The following ERC2 variants were observed in gnomAD, a reference collection of about 807,000 sequenced individuals.
ERC2 encodes ELKS/RAB6-interacting/CAST family member 2, also known as ERC protein 2.
ERC2 carries 42 observed loss-of-function variants against 114.8 expected under a neutral mutation model. That is an observed-to-expected ratio of 0.37 (90% CI 0.29 to 0.47). The LOEUF is 0.47. ERC2 is among the 20% of genes least tolerant of loss of function. ERC2 has a pLI of 0.99. For missense variants in ERC2, 939 were observed against 1,150.7 expected, an observed-to-expected ratio of 0.82 and a Z score of 2.66; for synonymous variants, 454 against 425.5, an observed-to-expected ratio of 1.07 and a Z score of -0.82.
chr3:55,572,833 G>C (rs1327236027), intron 17 of ERC2, among the ~76,000 whole-genome samples: 1 of 152,200 alleles, frequency 6.6e-6, no homozygotes, highest in African/African-American at 2.4e-5. Context: ...CAGTGAGGCA[G>C]TTGCCCCCAG....
chr3:56,448,176 C>T (rs1476059601), intron 1 of ERC2, among the ~76,000 whole-genome samples: 1 of 152,124 alleles, frequency 6.6e-6, no homozygotes, highest in African/African-American at 2.4e-5. Context: ...CACTTCCATA[C>T]CTTAGAATTT....
At chr3:56,158,077 T>G (rs1231965427) in intron 4 of ERC2, among the ~76,000 whole-genome samples, 1 of 117,296 alleles carries the variant, frequency 8.5e-6, no homozygotes, top group African/African-American at 2.9e-5. Flanking sequence ...GATTTAAACT[T>G]TGCAAGAATG....
chr3:56,425,027 G>C lies in ERC2; in HGVS notation c.657+9324C>G, dbSNP rs536570082. On this transcript the variant is annotated intron_variant, in intron 2 of 17. Transcript: ENST00000288221. ...CTGATAAGCCCTTAAAACATTTGGA[G>C]AGCAGAGGTGAGTAAGGACAGCTCA... 2.0e-5 allele frequency among the ~76,000 whole-genome samples: 3 copies of C among 152,244 alleles called. No individual in the cohort carries two copies. The East Asian group carries it at 5.8e-4, about 29-fold the overall frequency.
Position 55,550,148 on chromosome 3 carries a change from T to C in ERC2, c.*40-38872A>G, listed in dbSNP as rs147197366. 2.0e-5 allele frequency among the ~76,000 whole-genome samples: 3 copies of C among 152,188 alleles called. No individual in the cohort carries two copies. In the East Asian group the frequency reaches 5.8e-4, roughly 29 times the overall value. On this transcript the variant is annotated intron_variant, in intron 17 of 17. Transcript: ENST00000288221. The stretch of plus-strand genomic sequence containing the variant: ...CCCTCTCTGCTGAACCTTCTTGCAG[T>C]AATACTTGCCTCATTCCCTCCCTCT...
intron 17 of ERC2, among the ~76,000 whole-genome samples, chr3:55,655,946 T>C (rs1313340212): frequency 2.0e-5 from 3 of 152,202 alleles, no homozygotes; most frequent in African/African-American, 4.8e-5. Flanking sequence ...CTTCATGTTT[T>C]ATCTGAGGAA....
chr3:55,519,488 A>G (rs916228566), intron 17 of ERC2, among the ~76,000 whole-genome samples: 3 of 152,228 alleles, frequency 2.0e-5, no homozygotes, highest in African/African-American at 7.2e-5. Context: ...GTATTCAGAA[A>G]TGATTTACTA....
chr3:56,051,212 C>T (rs1007057430), intron 7 of ERC2, among the ~76,000 whole-genome samples: 30 of 152,074 alleles, frequency 2.0e-4, no homozygotes, highest in Admixed American at 1.3e-4. Flanking sequence ...AATAAGAGAC[C>T]CAAGAATAAT....
intron 3 of ERC2, among the ~76,000 whole-genome samples, chr3:56,264,362 C>T (rs546910354): frequency 1.6e-3 from 246 of 152,142 alleles, no homozygotes; most frequent in Non-Finnish European, 1.5e-3. Flanking sequence ...TTTAGGAGGC[C>T]GAGGCAGGCA....
intron 15 of ERC2, among the ~76,000 whole-genome samples, chr3:55,728,609 T>C (rs567739893): frequency 1.3e-5 from 2 of 152,200 alleles, no homozygotes; most frequent in Middle Eastern, 3.4e-3. Flanking sequence ...GGGTGATGAG[T>C]GTAACCTGAG....
chr3:55,516,989 T>C (rs2052557128), intron 17 of ERC2, among the ~76,000 whole-genome samples: 1 of 152,190 alleles, frequency 6.6e-6, no homozygotes, highest in Non-Finnish European at 1.5e-5. Context: ...GGGCCTCATT[T>C]GAATCCAGGT....
intron 14 of ERC2, among the ~76,000 whole-genome samples, chr3:55,783,582 T>C (rs1020419061): frequency 6.6e-6 from 1 of 152,218 alleles, no homozygotes; most frequent in Non-Finnish European, 1.5e-5. Context: ...TAAAAAACTT[T>C]CCTGCTGCTG....
chr3:55,605,692 C>T (rs1448861913), intron 17 of ERC2, among the ~76,000 whole-genome samples: 1 of 152,166 alleles, frequency 6.6e-6, no homozygotes, highest in African/African-American at 2.4e-5. Context: ...TATTACAATA[C>T]TGCCTCAATC....
At chr3:56,357,832 C>G (rs2058802786) in intron 2 of ERC2, among the ~76,000 whole-genome samples, 1 of 150,214 alleles carries the variant, frequency 6.7e-6, no homozygotes, top group Non-Finnish European at 1.5e-5. Context: ...ATAAATACTG[C>G]AAGCCTCAAG....
At chr3:55,524,052 T>C (rs1559595657) in intron 17 of ERC2, among the ~76,000 whole-genome samples, 2 of 152,212 alleles carry the variant, frequency 1.3e-5, no homozygotes, top group South Asian at 2.1e-4. Flanking sequence ...AAAGTGAAGA[T>C]AGTAACTCTA....
chr3:55,583,045 CTA>C (rs2057338312), intron 17 of ERC2, among the ~76,000 whole-genome samples: 1 of 152,192 alleles, frequency 6.6e-6, no homozygotes, highest in Non-Finnish European at 1.5e-5. Flanking sequence ...AGCACAGAAA[CTA>C]AACATAGTAA....
At chr3:56,344,424 T>C (rs966920066) in intron 2 of ERC2, among the ~76,000 whole-genome samples, 1 of 152,106 alleles carries the variant, frequency 6.6e-6, no homozygotes, top group Non-Finnish European at 1.5e-5. Context: ...ACAATTACTG[T>C]AACGAAGTGC....
At position 56,442,562 on chromosome 3, in the gene ERC2, C is replaced by T. The variant is rs548521351; in HGVS notation, c.-140-7415G>A. On this transcript the variant is annotated intron_variant, in intron 1 of 17. Transcript: ENST00000288221. ...GTACCAACATTGTGCTACTCCAGCT[C>T]GGCTTTAGACCAGTACTTCCTGAAC... Among the ~76,000 whole-genome samples the T allele has an allele frequency of 5.9e-5, 9 of 152,166 alleles. No individual in the cohort carries two copies. In the South Asian group the frequency reaches 1.2e-3, roughly 21 times the overall value.
At chr3:56,012,682 A>C (rs912851981) in intron 8 of ERC2, among the ~76,000 whole-genome samples, 7 of 152,072 alleles carry the variant, frequency 4.6e-5, no homozygotes, top group African/African-American at 9.7e-5. Flanking sequence ...CATTGATGAC[A>C]AAAAAAATCA....
intron 11 of ERC2, among the ~76,000 whole-genome samples, chr3:55,990,569 C>T (rs2070983588): frequency 6.6e-6 from 1 of 152,006 alleles, no homozygotes; most frequent in Non-Finnish European, 1.5e-5. Context: ...GGACCACAGG[C>T]ACACATTACC....
Sources: allele counts gnomAD v4.1 joint callset (sites outside exome capture counted in the v4.1 genomes callset), GRCh38; gene constraint gnomAD v4.1.1; transcripts MANE v1.5; gene names NCBI Gene and HGNC (gene_info 2026-07-23, HGNC 2026-07-21).